Variants in PAPSS1 observed in about 807,000 individuals in gnomAD.
PAPSS1 encodes bifunctional 3'-phosphoadenosine 5'-phosphosulfate synthase 1.
Under a neutral mutation model 72.0 loss-of-function variants are expected in PAPSS1, and 50 were observed. The ratio of observed to expected loss-of-function variants is 0.69; its 90% confidence interval spans 0.55 to 0.88. The LOEUF (loss-of-function observed/expected upper bound fraction) is 0.88, where lower values mean the gene tolerates loss of function less well. Ranked by LOEUF, PAPSS1 falls within the 40% of genes least tolerant of loss-of-function variation. The pLI is 0.00. For missense variants in PAPSS1, 657 were observed against 782.2 expected (o/e 0.84, Z 1.91); for synonymous variants, 261 against 263.6 (o/e 0.99, Z 0.09).
At chr4:107,689,379 C>T (rs1396792704) in intron 3 of PAPSS1, among the ~76,000 whole-genome samples, 1 of 152,174 alleles carries the variant, frequency 6.6e-6, no homozygotes, top group Non-Finnish European at 1.5e-5. Flanking sequence ...CACTCAACCC[C>T]TCTCTTCTGG....
chr4:107,719,905 T>C, intron 1 of PAPSS1: 1 of 1,359,304 alleles, frequency 7.4e-7, no homozygotes, highest in Admixed American at 3.9e-5. Context: ...GACCGCACGC[T>C]GCGCCAAGCT....
At chr4:107,645,136 C>T (rs771007194) in intron 9 of PAPSS1, 66 bp from the exon 10 acceptor site, 59 of 1,287,660 alleles carry the variant, frequency 4.6e-5, no homozygotes, top group Non-Finnish European at 5.8e-5. Context: ...AAAGGATACG[C>T]AATTTTTCTT....
At chr4:107,654,964 C>T (rs1726961518) in intron 7 of PAPSS1, 64 bp from the exon 8 acceptor site, 2 of 1,174,528 alleles carry the variant, frequency 1.7e-6, no homozygotes, top group East Asian at 2.4e-5. Flanking sequence ...TACTTAACAC[C>T]CACCTTTCAC....
chr4:107,675,492 T>C (rs1351112489), intron 5 of PAPSS1, among the ~76,000 whole-genome samples: 5 of 152,054 alleles, frequency 3.3e-5, no homozygotes, highest in Admixed American at 1.3e-4. Context: ...CAGGAAGAAG[T>C]TGAATCTCTG....
intron 11 of PAPSS1, among the ~76,000 whole-genome samples, chr4:107,626,180 A>G (rs1180559422): frequency 1.3e-5 from 2 of 150,758 alleles, no homozygotes; most frequent in African/African-American, 2.4e-5. Flanking sequence ...TCTGTCTCAA[A>G]AAAAAAAAAA....
At chr4:107,668,802 C>T (rs1727388255) in intron 5 of PAPSS1, among the ~76,000 whole-genome samples, 1 of 152,072 alleles carries the variant, frequency 6.6e-6, no homozygotes, top group Non-Finnish European at 1.5e-5. Context: ...TATATACACA[C>T]ACACATATAT....
intron 9 of PAPSS1, among the ~76,000 whole-genome samples, chr4:107,652,802 C>A (rs956127308): frequency 2.6e-5 from 4 of 152,010 alleles, no homozygotes; most frequent in Non-Finnish European, 5.9e-5. Flanking sequence ...AATTCTATAC[C>A]AAAAATTTGT....
chr4:107,624,551 T>G (rs368207976), intron 11 of PAPSS1, among the ~76,000 whole-genome samples: 19 of 152,200 alleles, frequency 1.2e-4, no homozygotes, highest in Non-Finnish European at 2.4e-4. Context: ...TTTGTACTAA[T>G]TTCAATAGAA....
At chr4:107,641,275 G>C (rs1726535137) in intron 10 of PAPSS1, among the ~76,000 whole-genome samples, 1 of 152,108 alleles carries the variant, frequency 6.6e-6, no homozygotes, top group Non-Finnish European at 1.5e-5. Flanking sequence ...TGATGATCCT[G>C]GCCTGCCTTC....
chr4:107,638,628 A>T (rs1056397528), intron 10 of PAPSS1, among the ~76,000 whole-genome samples: 2 of 152,076 alleles, frequency 1.3e-5, no homozygotes, highest in African/African-American at 4.8e-5. Flanking sequence ...TCCCAAACCC[A>T]GGGACCCTCA....
intron 10 of PAPSS1, among the ~76,000 whole-genome samples, chr4:107,632,978 T>C (rs893206328): frequency 2.6e-5 from 4 of 152,232 alleles, no homozygotes; most frequent in African/African-American, 7.2e-5. Flanking sequence ...GTTTAGAAAG[T>C]GCAATAGTAA....
At chr4:107,617,366 T>G (rs1725851998) in intron 11 of PAPSS1, among the ~76,000 whole-genome samples, 1 of 152,126 alleles carries the variant, frequency 6.6e-6, no homozygotes, top group African/African-American at 2.4e-5. Flanking sequence ...TTCTGGCCTT[T>G]CCAACTTCCC....
chr4:107,701,309 T>C, intron 1 of PAPSS1, 24 bp from the exon 2 acceptor site: 1 of 1,503,196 alleles, frequency 6.7e-7, no homozygotes, highest in Non-Finnish European at 9.2e-7. Context: ...AAAAAAAAAA[T>C]TCTAGTTTAC....
intron 1 of PAPSS1, among the ~76,000 whole-genome samples, chr4:107,717,903 C>T (rs1723679169): frequency 6.6e-6 from 1 of 152,168 alleles, no homozygotes; most frequent in Non-Finnish European, 1.5e-5. Context: ...CCTCTAGTCC[C>T]ACTGCCACCT....
chr4:107,663,025 A>G (rs371954539), intron 5 of PAPSS1, among the ~76,000 whole-genome samples: 2 of 152,382 alleles, frequency 1.3e-5, no homozygotes, highest in East Asian at 3.9e-4. Context: ...TTGCAGCTAC[A>G]AAGTAAAGAA....
At chr4:107,658,369 GA>G (rs1727076333) in intron 6 of PAPSS1, among the ~76,000 whole-genome samples, 1 of 109,906 alleles carries the variant, frequency 9.1e-6, no homozygotes, top group African/African-American at 3.6e-5. Context: ...AAAAAAAAAA[GA>G]AAGGAAGAAA....
chr4:107,667,886 TTATTTCTTTAA>T (rs1194017807), intron 5 of PAPSS1, among the ~76,000 whole-genome samples: 1 of 152,198 alleles, frequency 6.6e-6, no homozygotes, highest in Non-Finnish European at 1.5e-5. Context: ...TATGAGCAGT[TTATTTCTTTAA>T]TAAACATTCT....
At chr4:107,659,933 A>C (rs539365721) in intron 6 of PAPSS1, 26 bp downstream of exon 6, 1 of 1,228,584 alleles carries the variant, frequency 8.1e-7, no homozygotes, top group Admixed American at 1.7e-5. Flanking sequence ...TGTATCACTT[A>C]GTGTGAAAAG....
At chr4:107,645,745 G>A (rs1252752846) in intron 9 of PAPSS1, among the ~76,000 whole-genome samples, 1 of 152,166 alleles carries the variant, frequency 6.6e-6, no homozygotes, top group Non-Finnish European at 1.5e-5. Flanking sequence ...GCTAGCAGGA[G>A]ACCTTTCCAA....
Sources: gnomAD v4.1 joint callset for allele counts (sites outside exome capture counted in the v4.1 genomes callset) on GRCh38, gnomAD v4.1.1 for gene constraint, MANE v1.5 for transcripts, NCBI Gene and HGNC (gene_info 2026-07-23, HGNC 2026-07-21) for gene names.